Variants in ATG10 observed in about 807,000 individuals in gnomAD.
ATG10 encodes ubiquitin-like-conjugating enzyme ATG10.
ATG10 carries 30 observed loss-of-function variants against 32.1 expected under a neutral mutation model. The ratio of observed to expected loss-of-function variants is 0.94; its 90% CI spans 0.70 to 1.27. The LOEUF (loss-of-function observed/expected upper bound fraction) is 1.27, where lower values mean the gene tolerates loss of function less well. Among genes scored for constraint, ATG10 ranks in the 50% most tolerant of loss-of-function variants. The probability of loss-of-function intolerance (pLI) is 0.00; values close to 1 mark genes in which losing one functional copy is unlikely to be tolerated. For synonymous variants in ATG10, 87 were observed against 91.5 expected (o/e 0.95, Z 0.28); for missense variants, 233 against 262.3 (o/e 0.89, Z 0.77).
chr5:82,216,234 A>C (rs1205926387), intron 5 of ATG10, among the ~76,000 whole-genome samples: 1 of 152,228 alleles, frequency 6.6e-6, no homozygotes, highest in Non-Finnish European at 1.5e-5. Flanking sequence ...TGTCTGCTTC[A>C]GAGTAAAAAG....
chr5:82,072,913 G>C (rs1445027872), intron 3 of ATG10: 1 of 152,136 alleles, frequency 6.6e-6, no homozygotes, highest in Non-Finnish European at 1.5e-5. Flanking sequence ...CTATCTACTT[G>C]ATGGACTGGA....
At chr5:82,127,652 G>T (rs1057209246) in intron 3 of ATG10, among the ~76,000 whole-genome samples, 1 of 152,110 alleles carries the variant, frequency 6.6e-6, no homozygotes, top group African/African-American at 2.4e-5. Context: ...CTGAGAGACT[G>T]TTATGGTTTC....
chr5:82,123,248 C>T (rs879501988), intron 3 of ATG10, among the ~76,000 whole-genome samples: 1 of 152,150 alleles, frequency 6.6e-6, no homozygotes. Flanking sequence ...TTATCCTTAG[C>T]AAACTAATGC....
intron 3 of ATG10, among the ~76,000 whole-genome samples, chr5:82,153,543 C>T (rs1264979995): frequency 6.6e-6 from 1 of 152,020 alleles, no homozygotes; most frequent in Non-Finnish European, 1.5e-5. Flanking sequence ...AAAAACAGTT[C>T]CTGAAAATCT....
chr5:81,999,726 A>C (rs1013010689), intron 2 of ATG10, among the ~76,000 whole-genome samples: 1 of 149,628 alleles, frequency 6.7e-6, no homozygotes, highest in African/African-American at 2.4e-5. Context: ...ACAGAAATAC[A>C]AAAAAAAAAT....
At chr5:82,178,252 G>T (rs1744106995) in intron 4 of ATG10, among the ~76,000 whole-genome samples, 1 of 152,080 alleles carries the variant, frequency 6.6e-6, no homozygotes, top group African/African-American at 2.4e-5. Flanking sequence ...ATTCCTAGAG[G>T]CAATGAATGA....
chr5:82,080,423 A>G (rs1038604545), intron 3 of ATG10, among the ~76,000 whole-genome samples: 1 of 152,206 alleles, frequency 6.6e-6, no homozygotes, highest in Non-Finnish European at 1.5e-5. Context: ...TGTTTTAGAC[A>G]TGAAGTCCTT....
intron 3 of ATG10, among the ~76,000 whole-genome samples, chr5:82,138,218 T>C (rs1342302363): frequency 1.3e-5 from 2 of 152,182 alleles, no homozygotes; most frequent in Non-Finnish European, 2.9e-5. Flanking sequence ...TTCAGCCCCC[T>C]TTCCAGGGGA....
intron 3 of ATG10, among the ~76,000 whole-genome samples, chr5:82,105,980 T>G (rs324911): frequency 1.3e-5 from 2 of 151,968 alleles, no homozygotes; most frequent in African/African-American, 4.8e-5. Context: ...TAGAATTAAT[T>G]TTGTTATACA....
At chr5:82,042,337 A>G (rs1763109395) in intron 2 of ATG10, among the ~76,000 whole-genome samples, 1 of 152,158 alleles carries the variant, frequency 6.6e-6, no homozygotes, top group Non-Finnish European at 1.5e-5. Flanking sequence ...TCACAAGAAA[A>G]GCAATGGAGA....
At chr5:82,091,429 A>T (rs1764881298) in intron 3 of ATG10, among the ~76,000 whole-genome samples, 1 of 152,002 alleles carries the variant, frequency 6.6e-6, no homozygotes, top group Non-Finnish European at 1.5e-5. Context: ...TGATACTCAT[A>T]GGGGAAATTT....
intron 5 of ATG10, among the ~76,000 whole-genome samples, chr5:82,231,697 A>G (rs1746373797): frequency 6.6e-6 from 1 of 152,164 alleles, no homozygotes; most frequent in South Asian, 2.1e-4. Context: ...AGTTTTCTTC[A>G]TGGAGTCTCT....
At chr5:81,983,537 T>C (rs1210327587) in intron 1 of ATG10, among the ~76,000 whole-genome samples, 6 of 112,020 alleles carry the variant, frequency 5.4e-5, no homozygotes, top group South Asian at 3.5e-4. Flanking sequence ...CCCTCCCGGA[T>C]GGGGCCGCTG....
intron 2 of ATG10, among the ~76,000 whole-genome samples, chr5:82,036,364 C>T (rs187140843): frequency 1.1e-4 from 16 of 152,290 alleles, no homozygotes; most frequent in Non-Finnish European, 2.1e-4. Context: ...GAGGCTGAGG[C>T]GGGCAGATCA....
At chr5:82,050,731 G>A (rs1472161705) in intron 2 of ATG10, among the ~76,000 whole-genome samples, 3 of 151,154 alleles carry the variant, frequency 2.0e-5, no homozygotes, top group African/African-American at 7.3e-5. Flanking sequence ...GCTGGGTGTG[G>A]TGGCTTACAC....
chr5:81,980,811 G>A (rs1427245691), intron 1 of ATG10, among the ~76,000 whole-genome samples: 4 of 152,080 alleles, frequency 2.6e-5, no homozygotes, highest in African/African-American at 9.7e-5. Context: ...GGAGAGAACT[G>A]CCTTGAAAGA....
chr5:82,188,276 C>T (rs1009205413), intron 5 of ATG10, among the ~76,000 whole-genome samples: 4 of 152,118 alleles, frequency 2.6e-5, no homozygotes, highest in African/African-American at 7.2e-5. Context: ...GTTATGTGTA[C>T]ATCTGGTTGA....
chr5:82,052,256 G>A (rs1763453145), intron 2 of ATG10, among the ~76,000 whole-genome samples: 1 of 152,098 alleles, frequency 6.6e-6, no homozygotes, highest in Non-Finnish European at 1.5e-5. Flanking sequence ...AGCAACAAAA[G>A]CCCTATAATT....
intron 3 of ATG10, among the ~76,000 whole-genome samples, chr5:82,098,717 A>G (rs1765158616): frequency 6.6e-6 from 1 of 152,168 alleles, no homozygotes; most frequent in South Asian, 2.1e-4. Flanking sequence ...CTGGTAAAGA[A>G]TTTTCAGGTC....
Sources: allele counts gnomAD v4.1 joint callset (sites outside exome capture counted in the v4.1 genomes callset), GRCh38; gene constraint gnomAD v4.1.1; transcripts MANE v1.5; gene names NCBI Gene and HGNC (gene_info 2026-07-23, HGNC 2026-07-21).